The following NAALADL2 variants were observed in gnomAD, a reference collection of about 807,000 sequenced individuals.
NAALADL2 encodes N-acetylated alpha-linked acidic dipeptidase like 2.
A neutral mutation model predicts 87.2 loss-of-function variants in NAALADL2; 76 were observed. The ratio of observed to expected loss-of-function variants is 0.87; its 90% confidence interval spans 0.72 to 1.05. NAALADL2 has a LOEUF of 1.05. Ranked by LOEUF, NAALADL2 falls within the 50% of genes least tolerant of loss-of-function variation. NAALADL2 has a pLI of 0.00. For synonymous variants in NAALADL2, 354 were observed against 331.0 expected (o/e 1.07, Z -0.75); for missense variants, 1,089 against 945.8 (o/e 1.15, Z -1.99).
intron 3 of NAALADL2, among the ~76,000 whole-genome samples, chr3:174,819,885 A>T (rs1054941475): frequency 3.3e-5 from 5 of 152,168 alleles, no homozygotes; most frequent in Non-Finnish European, 7.3e-5. Flanking sequence ...AATTTTTTCA[A>T]ATTTGAAAAA....
At chr3:175,232,214 G>GA (rs1303370545) in intron 2 of NAALADL2, among the ~76,000 whole-genome samples, 3 of 149,296 alleles carry the variant, frequency 2.0e-5, no homozygotes, top group Non-Finnish European at 4.5e-5. Context: ...AGAACAAGAA[G>GA]AGAAGAAGAA....
At chr3:174,503,105 A>G (rs1484640090) in intron 1 of NAALADL2, among the ~76,000 whole-genome samples, 1 of 152,134 alleles carries the variant, frequency 6.6e-6, no homozygotes, top group African/African-American at 2.4e-5. Flanking sequence ...GAGGTATTCA[A>G]TTTGGAAACA....
intron 2 of NAALADL2, among the ~76,000 whole-genome samples, chr3:175,195,022 T>C (rs1318842832): frequency 7.3e-5 from 11 of 151,008 alleles, no homozygotes; most frequent in Admixed American, 2.0e-4. Context: ...ACTTAATTTT[T>C]AATTCTCTCT....
chr3:175,050,587 A>G (rs1755250874), intron 1 of NAALADL2, among the ~76,000 whole-genome samples: 1 of 152,174 alleles, frequency 6.6e-6, no homozygotes, highest in Non-Finnish European at 1.5e-5. Context: ...TGTTTTTATC[A>G]ATTCACTCAT....
At chr3:174,699,865 A>G (rs1418041117) in intron 2 of NAALADL2, among the ~76,000 whole-genome samples, 1 of 114,718 alleles carries the variant, frequency 8.7e-6, no homozygotes, top group African/African-American at 3.3e-5. Flanking sequence ...AGAAGATTGT[A>G]TATTTTTTTC....
chr3:175,746,361 A>G (rs1219727695), intron 12 of NAALADL2, among the ~76,000 whole-genome samples: 2 of 142,910 alleles, frequency 1.4e-5, no homozygotes, highest in Middle Eastern at 3.4e-3. Context: ...GATCTATGTA[A>G]TATGTTTTTT....
chr3:174,842,574 C>G lies in NAALADL2; in HGVS notation c.-9+104828C>G, dbSNP rs565072383. 1.2e-4 allele frequency among the ~76,000 whole-genome samples: 18 copies of G among 152,248 alleles called. No individual in the cohort carries two copies. The South Asian group carries it at 3.7e-3, about 32-fold the overall frequency. On this transcript the variant is annotated intron_variant, in intron 3 of 3. Transcript: ENST00000434257. ...TCATAAAAGTATACATCTATGCACA[C>G]TCTAATTACAAGATTGTATTTAATG...
At chr3:174,644,972 G>T (rs1179298969) in intron 2 of NAALADL2, among the ~76,000 whole-genome samples, 1 of 152,188 alleles carries the variant, frequency 6.6e-6, no homozygotes, top group Non-Finnish European at 1.5e-5. Context: ...ATGCCGTGAT[G>T]GGAATATTTT....
At chr3:175,457,167 T>G (rs147641829) in intron 6 of NAALADL2, among the ~76,000 whole-genome samples, 268 of 152,152 alleles carry the variant, frequency 1.8e-3, no homozygotes, top group Non-Finnish European at 3.1e-3. Context: ...ATATGGGCTA[T>G]TCACCCTACA....
At chr3:175,448,571 C>T (rs952942725) in intron 6 of NAALADL2, among the ~76,000 whole-genome samples, 1 of 152,160 alleles carries the variant, frequency 6.6e-6, no homozygotes, top group East Asian at 1.9e-4. Context: ...CCATGCCCTC[C>T]CCTATGTCAC....
chr3:174,561,573 T>C (rs1270315761), intron 2 of NAALADL2, among the ~76,000 whole-genome samples: 1 of 152,022 alleles, frequency 6.6e-6, no homozygotes, highest in African/African-American at 2.4e-5. Flanking sequence ...AGGAACCTGA[T>C]CAAGTAGAGA....
intron 13 of NAALADL2, among the ~76,000 whole-genome samples, chr3:175,802,671 G>A (rs2108358214): frequency 6.8e-6 from 1 of 146,964 alleles, no homozygotes; most frequent in African/African-American, 2.7e-5. Context: ...TCTGTTTCTT[G>A]TATTTATAAG....
chr3:175,228,473 A>G (rs1481067898), intron 2 of NAALADL2, among the ~76,000 whole-genome samples: 1 of 151,818 alleles, frequency 6.6e-6, no homozygotes, highest in African/African-American at 2.4e-5. Flanking sequence ...TTGAAGGACT[A>G]CTATCCTGAG....
intron 9 of NAALADL2, among the ~76,000 whole-genome samples, chr3:175,509,897 A>G (rs1427552631): frequency 6.6e-6 from 1 of 152,016 alleles, no homozygotes; most frequent in Non-Finnish European, 1.5e-5. Context: ...CATGTGCACA[A>G]CGTGCAGGTT....
intron 1 of NAALADL2, among the ~76,000 whole-genome samples, chr3:174,971,106 G>A (rs1334767563): frequency 2.0e-5 from 3 of 152,160 alleles, no homozygotes; most frequent in East Asian, 1.9e-4. Context: ...ATCAGATCTC[G>A]TGAGACTTAA....
chr3:175,047,251 C>T (rs1387461986), intron 1 of NAALADL2, among the ~76,000 whole-genome samples: 3 of 152,060 alleles, frequency 2.0e-5, no homozygotes, highest in Admixed American at 1.3e-4. Context: ...GTTTTGGATT[C>T]CCCCCAAAGT....
At chr3:175,780,609 C>T (rs1023640865) in intron 13 of NAALADL2, among the ~76,000 whole-genome samples, 2 of 152,068 alleles carry the variant, frequency 1.3e-5, no homozygotes, top group African/African-American at 4.8e-5. Context: ...TCCTCAAAGC[C>T]TTTATTTATT....
intron 8 of NAALADL2, among the ~76,000 whole-genome samples, chr3:175,468,754 A>C (rs6768595): frequency 0.053 from 8,106 of 151,980 alleles, 681 homozygotes; most frequent in African/African-American, 0.18. Flanking sequence ...AACATCTCAA[A>C]CCCCAATGCA....
intron 2 of NAALADL2, among the ~76,000 whole-genome samples, chr3:174,595,628 T>A (rs1209409695): frequency 6.6e-6 from 1 of 152,170 alleles, no homozygotes. Flanking sequence ...AGGTTACTGG[T>A]TATCCCCTTT....
Sources: allele counts gnomAD v4.1 joint callset (sites outside exome capture counted in the v4.1 genomes callset), GRCh38; gene constraint gnomAD v4.1.1; transcripts MANE v1.5; gene names NCBI Gene and HGNC (gene_info 2026-07-23, HGNC 2026-07-21).